Variants in NR1H3 observed in about 807,000 individuals in gnomAD.
NR1H3 encodes the protein oxysterols receptor LXR-alpha.
In NR1H3, 19 loss-of-function variants were observed where a neutral mutation model predicts 48.1. That is an observed-to-expected ratio of 0.40 (90% CI 0.28 to 0.58). The LOEUF (loss-of-function observed/expected upper bound fraction) is 0.58. Ranked by LOEUF, NR1H3 falls within the 20% of genes least tolerant of loss-of-function variation. The probability of loss-of-function intolerance (pLI) is 0.50; values close to 1 mark genes in which losing one functional copy is unlikely to be tolerated. For synonymous variants in NR1H3, 232 were observed against 227.3 expected (o/e 1.02, Z -0.19); for missense variants, 486 against 595.9 (o/e 0.82, Z 1.92).
At chr11:47,256,119 T>A (rs993270042), upstream of NR1H3, among the ~76,000 whole-genome samples, 3 of 151,570 alleles carry the variant, frequency 2.0e-5, no homozygotes, top group Non-Finnish European at 2.9e-5. Context: ...CAATCTCGGC[T>A]CACTGCAACC....
Position 47,259,237 on chromosome 11 carries a change from C to T in NR1H3, c.21C>T (p.Ala7=). 1.2e-6 allele frequency: 2 copies of T among 1,614,158 alleles called. No homozygotes were observed. Among genetic ancestry groups the T allele is most frequent in the East Asian group, 2.2e-5 (1 of 44,888 alleles). Residue 7 remains alanine (A), a synonymous_variant, in exon 2 of 10, where the codon GCC becomes GCT. Coordinates refer to ENST00000441012, the MANE Select transcript of NR1H3 (RefSeq NM_005693.4). ...AAGAGATGTCCTTGTGGCTGGGGGCCCCTGTGCCTGACATTCCTCCTGGTA... is the reference window on the plus strand; with the variant it reads ...AAGAGATGTCCTTGTGGCTGGGGGCTCCTGTGCCTGACATTCCTCCTGGTA... MSLWLG[A]PVPDIPPDSA... is the part of the protein sequence containing the mutation.
In NR1H3 at chr11:47,268,691, G is replaced by T. The variant is rs748546584; in HGVS notation, c.1339G>T (p.Glu447Ter). ...GCTCTCTGAGATCTGGGATGTGCACGAATGACTGTTCTGTCCCCATATTTT... is the reference window on the plus strand; with the variant it reads ...GCTCTCTGAGATCTGGGATGTGCACTAATGACTGTTCTGTCCCCATATTTT... Reference protein sequence around the residue: ...PLLSEIWDVHE With the variant: ...PLLSEIWDVH The change falls in exon 10 of 10, where the codon GAA becomes TAA. Residue 447 changes from glutamate (E) to a stop codon, truncating the protein, a stop_gained. Transcript: ENST00000441012. LOFTEE classifies it high-confidence loss of function. The T allele has an allele frequency of 6.8e-6, 11 of 1,613,998 alleles. 1 individual carries two copies. Among genetic ancestry groups the T allele is most frequent in the South Asian group, 6.6e-5 (6 of 91,068 alleles).
Position 47,268,606 on chromosome 11 carries a change from C to T in NR1H3, c.1254C>T (p.Ser418=). The T allele has an allele frequency of 6.2e-7, 1 of 1,614,228 alleles. No individual in the cohort carries two copies. Among genetic ancestry groups the T allele is most frequent in the South Asian group, 1.1e-5 (1 of 91,084 alleles). The change falls in exon 10 of 10, where the codon AGC becomes AGT. Residue 418 remains serine, a synonymous_variant. Coordinates refer to ENST00000441012, the MANE Select transcript of NR1H3 (RefSeq NM_005693.4). The part of the protein sequence containing the change: ...LMKLVSLRTL[S]SVHSEQVFAL... ...AACTGGTGAGCCTCCGGACCCTGAG[C>T]AGCGTCCACTCAGAGCAAGTGTTTG...
intron 7 of NR1H3, 146 bp downstream of exon 7, chr11:47,262,164 G>T: frequency 3.2e-6 from 2 of 619,948 alleles, no homozygotes. Flanking sequence ...CAGATCACCA[G>T]GTCAGTAGAT....
chr11:47,266,592 C>T (rs188755716), intron 7 of NR1H3, among the ~76,000 whole-genome samples: 55 of 151,930 alleles, frequency 3.6e-4, no homozygotes, highest in African/African-American at 1.3e-3. Context: ...CCTCGGCCTC[C>T]TAAAGTGCTG....
intron 1 of NR1H3, among the ~76,000 whole-genome samples, chr11:47,251,763 C>T (rs189659975): frequency 4.6e-5 from 7 of 152,286 alleles, no homozygotes; most frequent in Admixed American, 1.3e-4. Context: ...AAATCTTTGG[C>T]TCACCAAATT....
intron 6 of NR1H3, 42 bp from the exon 7 acceptor site, chr11:47,261,877 A>C: frequency 6.2e-7 from 1 of 1,600,284 alleles, no homozygotes; most frequent in South Asian, 1.1e-5. Context: ...CTCCAAGACC[A>C]GCCCTCCTAG....
In NR1H3 at chr11:47,260,610, A is replaced by G. The variant is rs1330913915; in HGVS notation, c.434A>G (p.Tyr145Cys). ...GGCGGCCACTGCCCCATGGACACCT[A>G]CATGCGTCGCAAGTGCCAGGAGTGT... ...HSGGHCPMDT[Y>C]MRRKCQECRL... The change falls in exon 4 of 10, where the codon TAC (tyrosine) becomes TGC (cysteine). Residue 145 changes from tyrosine (Y) to cysteine (C), a missense_variant. By Grantham distance (194) the Tyr-to-Cys change is radical. Transcript: ENST00000441012. 7 of 1,613,278 alleles carry G rather than the reference A, an allele frequency of 4.3e-6. No homozygotes were observed. Among genetic ancestry groups the G allele is most frequent in the Non-Finnish European group, 5.9e-6 (7 of 1,179,950 alleles).
Position 47,259,200 on chromosome 11 carries a change from C to T in NR1H3, c.-17C>T. 6.2e-7 allele frequency: 1 copy of T among 1,614,154 alleles called. No individual in the cohort carries two copies. The highest frequency in any genetic ancestry group is 1.1e-5 in the South Asian group (1 of 91,078). ...TGCAGGACAGTGCCTTGGTAATGACCAGGGCTCCAGGAAGAGATGTCCTTG... is the reference window on the plus strand; with the variant it reads ...TGCAGGACAGTGCCTTGGTAATGACTAGGGCTCCAGGAAGAGATGTCCTTG... On this transcript the variant is annotated 5_prime_UTR_variant, in exon 2 of 10. Transcript: ENST00000441012.
chr11:47,259,376 C>A, intron 2 of NR1H3, 117 bp downstream of exon 2: 1 of 1,600,002 alleles, frequency 6.2e-7, no homozygotes, highest in South Asian at 1.1e-5. Context: ...AGTCCAGAGT[C>A]ATTCTTAGTC....
chr11:47,268,860 C>A lies in NR1H3; in HGVS notation c.*164C>A. On this transcript the variant is annotated 3_prime_UTR_variant, in exon 10 of 10. Coordinates refer to ENST00000441012, the MANE Select transcript of NR1H3 (RefSeq NM_005693.4). ...AGTCAAAGGGTTGCGAGTTTTGTGGCTACTGAGCAGTGGAGCCCTCGCTAA... is the reference window on the plus strand; with the variant it reads ...AGTCAAAGGGTTGCGAGTTTTGTGGATACTGAGCAGTGGAGCCCTCGCTAA... 1 of 830,718 alleles carries A rather than the reference C, an allele frequency of 1.2e-6. No individual in the cohort carries two copies. The highest frequency in any genetic ancestry group is 1.8e-6 in the Non-Finnish European group (1 of 543,842). The allele number at this position is 830,718 out of a possible 1,614,324, so 51.5% of individuals were successfully genotyped here. A position where few individuals can be genotyped will look rare whatever the true frequency, so the allele number is the denominator to read the frequency against.
At chr11:47,249,846 C>T (rs1238874067) in intron 1 of NR1H3, among the ~76,000 whole-genome samples, 1 of 152,080 alleles carries the variant, frequency 6.6e-6, no homozygotes, top group Non-Finnish European at 1.5e-5. Context: ...AATACCAGCA[C>T]TTTGAGAGGC....
rs1236281977 is a variant in NR1H3, at chr11:47,268,539, C to T, written c.1198-11C>T. ...AGGCAAAAGCTGTGTTTGTCTCTCTCCTTTCCCCAGGACCGACTGATGTTC... is the reference window on the plus strand; with the variant it reads ...AGGCAAAAGCTGTGTTTGTCTCTCTTCTTTCCCCAGGACCGACTGATGTTC... On this transcript the variant is annotated splice_polypyrimidine_tract_variant and intron_variant, in intron 9 of 9. Coordinates refer to ENST00000441012, the MANE Select transcript of NR1H3 (RefSeq NM_005693.4). 1.3e-5 allele frequency: 21 copies of T among 1,614,062 alleles called. No homozygotes were observed. Among genetic ancestry groups the T allele is most frequent in the East Asian group, 4.5e-5 (2 of 44,888 alleles).
chr11:47,255,591 T>TCTCTCTCTCTC (rs1565178611), upstream of NR1H3, among the ~76,000 whole-genome samples: 2 of 59,464 alleles, frequency 3.4e-5, no homozygotes, highest in African/African-American at 1.7e-4. Flanking sequence ...CTTTCTTTCT[T>TCTCTCTCTCTC]TCTTTCTCTC....
intron 1 of NR1H3, among the ~76,000 whole-genome samples, chr11:47,250,910 G>A (rs192434296): frequency 6.6e-6 from 1 of 152,220 alleles, no homozygotes; most frequent in East Asian, 1.9e-4. Context: ...CTGTAATCCC[G>A]GCACTTTGGG....
At chr11:47,253,534 G>A (rs1026410247), upstream of NR1H3, among the ~76,000 whole-genome samples, 2 of 152,274 alleles carry the variant, frequency 1.3e-5, no homozygotes, top group East Asian at 3.9e-4. Context: ...GATGATCCCT[G>A]CACTTTCCAC....
At chr11:47,260,052 G>A in intron 3 of NR1H3, 73 bp downstream of exon 3, 1 of 1,306,104 alleles carries the variant, frequency 7.7e-7, no homozygotes, top group Non-Finnish European at 1.0e-6. Context: ...GGTTCCTTGG[G>A]GGTTTTTACT....
intron 7 of NR1H3, among the ~76,000 whole-genome samples, chr11:47,265,582 A>G (rs1243477381): frequency 6.6e-6 from 1 of 152,156 alleles, no homozygotes; most frequent in East Asian, 1.9e-4. Context: ...AGAAAAATGT[A>G]TTATTTATTG....
At chr11:47,254,492 C>T (rs1395401561), upstream of NR1H3, among the ~76,000 whole-genome samples, 1 of 152,030 alleles carries the variant, frequency 6.6e-6, no homozygotes, top group Non-Finnish European at 1.5e-5. Flanking sequence ...CAGCTGGGGC[C>T]TTGTGAAAAT....
Sources: gnomAD v4.1 joint callset for allele counts (sites outside exome capture counted in the v4.1 genomes callset) on GRCh38, gnomAD v4.1.1 for gene constraint, MANE v1.5 for transcripts, NCBI Gene and HGNC (gene_info 2026-07-23, HGNC 2026-07-21) for gene names.